ERO1A: variants seen among roughly 807,000 people sequenced by gnomAD.
ERO1A encodes the protein ERO1-like protein alpha.
ERO1A carries 49 observed loss-of-function variants against 76.9 expected under a neutral mutation model. The observed-to-expected ratio is 0.64, with a 90% CI of 0.51 to 0.81. ERO1A has a LOEUF of 0.81. Among genes scored for constraint, ERO1A ranks in the 30% least tolerant of loss-of-function variants. ERO1A has a pLI of 0.00. For missense variants in ERO1A, 448 were observed against 542.1 expected, an observed-to-expected ratio of 0.83 and a Z score of 1.72; for synonymous variants, 174 against 181.2, an observed-to-expected ratio of 0.96 and a Z score of 0.32.
intron 4 of ERO1A, among the ~76,000 whole-genome samples, chr14:52,674,968 A>C (rs2139729458): frequency 6.6e-6 from 1 of 152,378 alleles, no homozygotes; most frequent in Non-Finnish European, 1.5e-5. Context: ...TGACTTATTT[A>C]GGAGGAGGTA....
chr14:52,671,608 C>G, intron 6 of ERO1A, 22 bp downstream of exon 6: 1 of 1,536,706 alleles, frequency 6.5e-7, no homozygotes. Flanking sequence ...AAACACAATG[C>G]ATACTATCAA....
At chr14:52,689,022 C>T (rs999840141) in intron 1 of ERO1A, among the ~76,000 whole-genome samples, 2 of 152,104 alleles carry the variant, frequency 1.3e-5, no homozygotes, top group Admixed American at 1.3e-4. Flanking sequence ...ATGGTGCAAT[C>T]TCAGGTCACT....
intron 1 of ERO1A, among the ~76,000 whole-genome samples, chr14:52,690,589 T>C (rs901885227): frequency 6.6e-6 from 1 of 151,950 alleles, no homozygotes; most frequent in Non-Finnish European, 1.5e-5. Flanking sequence ...TAGTCCCAGC[T>C]ACTTGGGAGG....
intron 14 of ERO1A, 40 bp from the exon 15 acceptor site, chr14:52,646,327 A>G (rs764507896): frequency 6.3e-7 from 1 of 1,599,862 alleles, no homozygotes; most frequent in Non-Finnish European, 8.5e-7. Flanking sequence ...TTAGAAAATT[A>G]TTCATGCAAA....
chr14:52,643,398 CTT>C lies in ERO1A; in HGVS notation c.*170_*171del, dbSNP rs1314012802. ...TACTCACAGTAGTATTATACATAGA[CTT>C]AACACAATTTTTAAAAATGTGTTTA... is the stretch of plus-strand genomic sequence containing the variant. On this transcript the variant is annotated 3_prime_UTR_variant, in exon 16 of 16. Transcript: ENST00000395686. 2 of 480,906 alleles carry C rather than the reference CTT, an allele frequency of 4.2e-6. No homozygotes were observed. Among genetic ancestry groups the C allele is most frequent in the African/African-American group, 2.0e-5 (1 of 48,936 alleles). 29.8% of individuals were successfully genotyped at this position (480,906 alleles called of 1,614,324 possible). A position where few individuals can be genotyped will look rare whatever the true frequency, so the allele number is the denominator to read the frequency against.
chr14:52,639,982 C>G lies in ERO1A; in HGVS notation c.*3588G>C, dbSNP rs2039419083. The G allele has an allele frequency of 6.6e-6, 1 of 152,138 alleles. No individual in the cohort carries two copies. The highest frequency in any genetic ancestry group is 6.5e-5 in the Admixed American group (1 of 15,270). 9.4% of individuals were successfully genotyped at this position (152,138 alleles called of 1,614,324 possible). A position where few individuals can be genotyped will look rare whatever the true frequency, so the allele number is the denominator to read the frequency against. On this transcript the variant is annotated 3_prime_UTR_variant, in exon 16 of 16. Transcript: ENST00000395686. Reference sequence around the variant, plus strand: ...ATCCTTGGGACTCTACTGACCCTTGCTGTAAAGTGAAGGGAGTGAAAGTAT... The same window carrying G: ...ATCCTTGGGACTCTACTGACCCTTGGTGTAAAGTGAAGGGAGTGAAAGTAT...
chr14:52,678,675 A>G (rs1164904163), intron 3 of ERO1A, among the ~76,000 whole-genome samples: 1 of 152,238 alleles, frequency 6.6e-6, no homozygotes, highest in Non-Finnish European at 1.5e-5. Flanking sequence ...CTGAGCATAC[A>G]TTATGTATAT....
At chr14:52,675,252 G>A (rs1371141118) in intron 4 of ERO1A, among the ~76,000 whole-genome samples, 4 of 151,862 alleles carry the variant, frequency 2.6e-5, no homozygotes, top group Admixed American at 6.6e-5. Context: ...GCATGGTGGC[G>A]CATGCCTGTA....
At chr14:52,678,201 T>G (rs1031177427) in intron 4 of ERO1A, 2 of 319,454 alleles carry the variant, frequency 6.3e-6, no homozygotes, top group African/African-American at 2.2e-5. Context: ...GAGGCGGAGG[T>G]TGCAGTGAGC....
intron 1 of ERO1A, among the ~76,000 whole-genome samples, chr14:52,688,393 T>G (rs1479984916): frequency 6.6e-6 from 1 of 152,188 alleles, no homozygotes; most frequent in Non-Finnish European, 1.5e-5. Flanking sequence ...GTCATTAGTT[T>G]TTCACTTTAT....
chr14:52,646,477 CA>C lies in ERO1A; in HGVS notation c.1126-17del. The C allele has an allele frequency of 1.3e-6, 2 of 1,579,910 alleles. No individual in the cohort carries two copies. The highest frequency in any genetic ancestry group is 1.7e-6 in the Non-Finnish European group (2 of 1,155,764). On this transcript the variant is annotated splice_polypyrimidine_tract_variant and intron_variant, in intron 13 of 15. Transcript: ENST00000395686. ...GAAAGTCCTCCTGAAAACAATTTAA[CA>C]AGATTTTATTAAGATGTAATATACA...
Position 52,695,537 on chromosome 14 carries a change from C to T in ERO1A, c.-56G>A, listed in dbSNP as rs996126680. 1.7e-5 allele frequency: 22 copies of T among 1,295,436 alleles called. No individual in the cohort carries two copies. The highest frequency in any genetic ancestry group is 3.1e-5 in the African/African-American group (2 of 64,904). 80.2% of individuals were successfully genotyped at this position (1,295,436 alleles called of 1,614,324 possible). ...TGGGAGGCCAGTCCGCACGCTCGGT[C>T]GCGGGCCGTGCGCCCTCAGATGAAG... On this transcript the variant is annotated 5_prime_UTR_variant, in exon 1 of 16. Transcript: ENST00000395686.
Position 52,669,160 on chromosome 14 carries a change from G to T in ERO1A, c.508+2470C>A, listed in dbSNP as rs144859977. Among the ~76,000 whole-genome samples, 492 of 152,054 alleles carry T rather than the reference G, an allele frequency of 3.2e-3. 3 individuals carry two copies. The highest frequency in any genetic ancestry group is 0.011 in the African/African-American group (462 of 41,454). ...CCATTTACATCCATTATTTATTCCT[G>T]CTAAAGCTTTCTTTAAAATATTCAG... On this transcript the variant is annotated intron_variant, in intron 6 of 15. Coordinates refer to ENST00000395686, the MANE Select transcript of ERO1A (RefSeq NM_014584.3).
chr14:52,643,631 C>T lies in ERO1A; in HGVS notation c.1347-1G>A. The T allele has an allele frequency of 6.9e-7, 1 of 1,451,796 alleles. No homozygotes were observed. Among genetic ancestry groups the T allele is most frequent in the South Asian group, 1.4e-5 (1 of 70,514 alleles). The allele number at this position is 1,451,796 out of a possible 1,614,324, so 89.9% of individuals were successfully genotyped here. ...TAATTCTTTCACACTTGTAGAAATT[C>T]TGTAACCAAAAAATATTTCACTCAG... On this transcript the variant is annotated splice_acceptor_variant, in intron 15 of 15. Transcript: ENST00000395686. LOFTEE classifies it high-confidence loss of function.
intron 4 of ERO1A, among the ~76,000 whole-genome samples, chr14:52,675,718 T>G (rs1019353951): frequency 6.6e-6 from 1 of 152,136 alleles, no homozygotes; most frequent in Non-Finnish European, 1.5e-5. Context: ...CTCTGTAGCC[T>G]CGACCTCCCA....
At chr14:52,644,301 A>C (rs1481072840) in intron 15 of ERO1A, among the ~76,000 whole-genome samples, 1 of 152,114 alleles carries the variant, frequency 6.6e-6, no homozygotes, top group African/African-American at 2.4e-5. Flanking sequence ...GAAAAACAAG[A>C]AAATTAGCCA....
intron 13 of ERO1A, among the ~76,000 whole-genome samples, chr14:52,651,275 G>A (rs1315672431): frequency 6.6e-6 from 1 of 152,080 alleles, no homozygotes; most frequent in Admixed American, 6.6e-5. Flanking sequence ...GTGACAGAGT[G>A]AGATCCCTTC....
chr14:52,681,108 T>C (rs189996336), intron 3 of ERO1A, among the ~76,000 whole-genome samples: 2 of 152,228 alleles, frequency 1.3e-5, no homozygotes, highest in East Asian at 1.9e-4. Flanking sequence ...CAAACGGAAC[T>C]AACACATGAT....
chr14:52,643,881 T>A (rs1385448509), intron 15 of ERO1A, among the ~76,000 whole-genome samples: 1 of 152,176 alleles, frequency 6.6e-6, no homozygotes, highest in Non-Finnish European at 1.5e-5. Context: ...TTCACTCCTG[T>A]AATCCCAGTA....
Sources: allele counts gnomAD v4.1 joint callset (sites outside exome capture counted in the v4.1 genomes callset), GRCh38; gene constraint gnomAD v4.1.1; transcripts MANE v1.5; gene names NCBI Gene and HGNC (gene_info 2026-07-23, HGNC 2026-07-21).